The following TLE3 variants were observed in gnomAD, a reference collection of about 807,000 sequenced individuals.
TLE3 encodes the protein TLE family member 3, transcriptional corepressor.
In TLE3, 14 loss-of-function variants were observed where a neutral mutation model predicts 93.0. The ratio of observed to expected loss-of-function variants is 0.15; its 90% CI spans 0.10 to 0.24. TLE3 has a LOEUF of 0.24. Among genes scored for constraint, TLE3 ranks in the 10% least tolerant of loss-of-function variants. The pLI is 1.00. For synonymous variants in TLE3, 451 were observed against 425.0 expected (o/e 1.06, Z -0.75); for missense variants, 693 against 1,046.6 (o/e 0.66, Z 4.66).
chr15:70,094,527 C>T lies in TLE3; in HGVS notation c.234+5G>A. On this transcript the variant is annotated splice_donor_5th_base_variant and intron_variant, in intron 4 of 19. Coordinates refer to ENST00000451782, the MANE Select transcript of TLE3 (RefSeq NM_001105192.3). Reference sequence around the variant, plus strand: ...AATATATTTTTAAAAGAGAAAAGCACTTACCTGCTTGTGCATTTCAATGTT... The same window carrying T: ...AATATATTTTTAAAAGAGAAAAGCATTTACCTGCTTGTGCATTTCAATGTT... The T allele has an allele frequency of 6.5e-7, 1 of 1,544,738 alleles. No individual in the cohort carries two copies.
intron 6 of TLE3, among the ~76,000 whole-genome samples, chr15:70,073,293 G>A (rs1177189908): frequency 2.6e-5 from 4 of 152,182 alleles, no homozygotes; most frequent in Admixed American, 2.6e-4. Flanking sequence ...GAAGGGACTT[G>A]CCAAAGGTCA....
At chr15:70,085,361 G>T in intron 4 of TLE3, among the ~76,000 whole-genome samples, 1 of 152,200 alleles carries the variant, frequency 6.6e-6, no homozygotes, top group Admixed American at 6.5e-5. Context: ...GCAAGAACTT[G>T]TGATCTTCTG....
rs748253355 is a variant in TLE3 at position 70,096,309 on chromosome 15, C to G, written c.25-48G>C. The G allele has an allele frequency of 4.5e-6, 7 of 1,548,604 alleles. 1 individual carries two copies. The South Asian group carries it at 4.8e-5, about 11-fold the overall frequency. ...AGGGGAGGGGGCGGGGGCATGAGAC[C>G]GCGCTCAGAGCGGCCCCGGCCCCTC... On this transcript the variant is annotated intron_variant, in intron 1 of 19. Transcript: ENST00000451782.
In TLE3 at chr15:70,066,107, T is replaced by A; in HGVS notation, c.484A>T (p.Ser162Cys). 6.3e-7 allele frequency: 1 copy of A among 1,575,784 alleles called. No homozygotes were observed. Among genetic ancestry groups the A allele is most frequent in the African/African-American group, 1.4e-5 (1 of 73,990 alleles). The part of the protein sequence containing the change: ...QPPGIPPVTG[S>C]SSGLLALGAL... ...CCCAGTGCCAGCAGCCCGGAGCTGC[T>A]CCCTGTCACTGGGGGGATTCCTGGA... The change falls in exon 7 of 20, where the codon AGC becomes TGC. Residue 162 changes from serine (S) to cysteine (C), a missense_variant. By Grantham distance (112) the Ser-to-Cys change is moderately radical. Coordinates refer to ENST00000451782, the MANE Select transcript of TLE3 (RefSeq NM_001105192.3).
chr15:70,094,634 A>C (rs1261692957), intron 3 of TLE3, 58 bp from the exon 4 acceptor site: 3 of 1,342,134 alleles, frequency 2.2e-6, no homozygotes, highest in African/African-American at 3.0e-5. Flanking sequence ...CATTTTTCAA[A>C]ATCAGTTTTT....
chr15:70,074,368 C>G, intron 6 of TLE3, 165 bp downstream of exon 6: 2 of 739,268 alleles, frequency 2.7e-6, no homozygotes, highest in Non-Finnish European at 2.1e-6. Context: ...AAGGGGGAAA[C>G]AGCCCTACAT....
chr15:70,053,124 T>C (rs1037893686), intron 17 of TLE3, 103 bp downstream of exon 17: 6 of 1,437,364 alleles, frequency 4.2e-6, no homozygotes, highest in Non-Finnish European at 5.6e-6. Context: ...CTCTTGGCCG[T>C]GGCCACTCTG....
Position 70,060,385 on chromosome 15 carries a change from C to T in TLE3, c.714+145G>A, listed in dbSNP as rs2056391280. 1.3e-5 allele frequency: 13 copies of T among 1,034,076 alleles called. 1 individual carries two copies. The South Asian group carries it at 1.9e-4, about 15-fold the overall frequency. 64.1% of individuals were successfully genotyped at this position (1,034,076 alleles called of 1,614,324 possible). On this transcript the variant is annotated intron_variant, in intron 9 of 19. Coordinates refer to ENST00000451782, the MANE Select transcript of TLE3 (RefSeq NM_001105192.3). Reference sequence around the variant, plus strand: ...CCTAGCCCTGTTCCCACCCTGCTCTCCTCAATAGGGTCCCCTATCGCCAAC... The same window carrying T: ...CCTAGCCCTGTTCCCACCCTGCTCTTCTCAATAGGGTCCCCTATCGCCAAC...
intron 8 of TLE3, among the ~76,000 whole-genome samples, chr15:70,061,833 G>A (rs960521424): frequency 6.6e-6 from 1 of 152,248 alleles, no homozygotes; most frequent in East Asian, 1.9e-4. Flanking sequence ...GATGGAGCTG[G>A]AAGAAAAGGA....
chr15:70,088,159 C>T (rs757982332), intron 4 of TLE3, among the ~76,000 whole-genome samples: 10 of 152,208 alleles, frequency 6.6e-5, no homozygotes, highest in Non-Finnish European at 1.0e-4. Flanking sequence ...GATTGTGCAA[C>T]ATCCTTAGCA....
intron 3 of TLE3, 89 bp from the exon 4 acceptor site, chr15:70,094,665 A>T: frequency 2.0e-6 from 2 of 978,792 alleles, no homozygotes; most frequent in Non-Finnish European, 3.0e-6. Flanking sequence ...GTTTTGGCCA[A>T]ATCATACTTT....
Position 70,058,163 on chromosome 15 carries a change from C to G in TLE3, c.1047G>C (p.Pro349=), listed in dbSNP as rs116141177. Residue 349 remains proline (P), a synonymous_variant, in exon 12 of 20, where the codon CCG becomes CCC. Coordinates refer to ENST00000451782, the MANE Select transcript of TLE3 (RefSeq NM_001105192.3). The surrounding 1 kb of genome is among the most constrained non-coding windows in gnomAD (Gnocchi z 4.1). The part of the protein sequence containing the change: ...SMPGKPPGMD[P]IASALRTPIS... ...CATGGTGCCTACCCATTATACCTAT[C>G]GGGTCCATGCCCGGAGGTTTACCCG... 1.0e-4 allele frequency: 163 copies of G among 1,613,988 alleles called. No individual in the cohort carries two copies. The highest frequency in any genetic ancestry group is 1.3e-4 in the Non-Finnish European group (158 of 1,179,880).
chr15:70,083,846 T>C (rs976460646), intron 4 of TLE3, among the ~76,000 whole-genome samples: 14 of 151,970 alleles, frequency 9.2e-5, no homozygotes, highest in South Asian at 2.1e-4. Flanking sequence ...AAAACCCAAG[T>C]GGCATGAGGG....
At chr15:70,088,355 C>T (rs2058131289) in intron 4 of TLE3, among the ~76,000 whole-genome samples, 1 of 152,150 alleles carries the variant, frequency 6.6e-6, no homozygotes, top group Non-Finnish European at 1.5e-5. Flanking sequence ...CAGGACGTTT[C>T]CCCCTTCCTT....
At chr15:70,079,301 G>C in intron 4 of TLE3, 1 of 473,980 alleles carries the variant, frequency 2.1e-6, no homozygotes, top group Non-Finnish European at 4.2e-6. Flanking sequence ...CATGTTCGAC[G>C]AAGAGAGGCC....
intron 3 of TLE3, chr15:70,094,818 C>A: frequency 2.0e-6 from 1 of 506,274 alleles, no homozygotes; most frequent in Non-Finnish European, 3.6e-6. Flanking sequence ...GCCTTCCCTC[C>A]CACAAGCACC....
rs539460989 is a variant in TLE3 at position 70,082,787 on chromosome 15, G to A, written c.235-6629C>T. Among the ~76,000 whole-genome samples, 6 of 152,328 alleles carry A rather than the reference G, an allele frequency of 3.9e-5. No homozygotes were observed. The South Asian group carries it at 1.2e-3, about 32-fold the overall frequency. Reference sequence around the variant, plus strand: ...ACCAGCCCCTGTACCCTTCACAGGCGGGTGAGGATGACAGTGAGGAGCCAG... The same window carrying A: ...ACCAGCCCCTGTACCCTTCACAGGCAGGTGAGGATGACAGTGAGGAGCCAG... On this transcript the variant is annotated intron_variant, in intron 4 of 19. Transcript: ENST00000451782.
chr15:70,060,953 T>C (rs1367052618), intron 8 of TLE3, among the ~76,000 whole-genome samples: 1 of 152,184 alleles, frequency 6.6e-6, no homozygotes, highest in Non-Finnish European at 1.5e-5. Context: ...GGGACTACGC[T>C]CTGTGAGGGC....
chr15:70,055,959 G>A (rs924617989), intron 14 of TLE3: 2 of 421,162 alleles, frequency 4.7e-6, no homozygotes. Flanking sequence ...GGCCTTCCCA[G>A]CAGGTCGAAC....
Sources: allele counts gnomAD v4.1 joint callset (sites outside exome capture counted in the v4.1 genomes callset), GRCh38; gene constraint gnomAD v4.1.1; non-coding constraint Gnocchi (gnomAD v3.1); transcripts MANE v1.5; gene names NCBI Gene and HGNC (gene_info 2026-07-23, HGNC 2026-07-21).